Variants in FER observed in about 807,000 individuals in gnomAD.
FER encodes the protein tyrosine-protein kinase Fer.
Under a neutral mutation model 111.0 loss-of-function variants are expected in FER, and 63 were observed. That is an observed-to-expected ratio of 0.57 (90% CI 0.46 to 0.70). The LOEUF (loss-of-function observed/expected upper bound fraction) is 0.70. Among genes scored for constraint, FER ranks in the 30% least tolerant of loss-of-function variants. FER has a pLI of 0.00. For synonymous variants in FER, 327 were observed against 313.9 expected (o/e 1.04, Z -0.44); for missense variants, 914 against 954.0 (o/e 0.96, Z 0.55).
At chr5:108,899,478 T>C (rs574652007) in intron 10 of FER, among the ~76,000 whole-genome samples, 7 of 152,260 alleles carry the variant, frequency 4.6e-5, no homozygotes, top group African/African-American at 1.4e-4. Context: ...AATATTTCCC[T>C]GTTACCATGA....
At chr5:108,824,872 A>G (rs541435118) in intron 3 of FER, among the ~76,000 whole-genome samples, 1 of 152,196 alleles carries the variant, frequency 6.6e-6, no homozygotes, top group South Asian at 2.1e-4. Context: ...AAATAAAAGG[A>G]CAGAGTACAA....
chr5:108,838,443 C>G (rs1241255444), intron 5 of FER, among the ~76,000 whole-genome samples: 3 of 152,090 alleles, frequency 2.0e-5, no homozygotes, highest in African/African-American at 4.8e-5. Context: ...CTTGGGGAAA[C>G]AAGGCCTGGA....
At chr5:108,820,070 A>G (rs1029519063) in intron 3 of FER, 1 of 985,010 alleles carries the variant, frequency 1.0e-6, no homozygotes, top group Non-Finnish European at 1.2e-6. Flanking sequence ...CAGGAATATA[A>G]AAAAAAGAAG....
chr5:108,997,403 C>T (rs763827776), intron 13 of FER, among the ~76,000 whole-genome samples: 9 of 130,968 alleles, frequency 6.9e-5, no homozygotes, highest in Non-Finnish European at 1.1e-4. Context: ...GGTGGTGGAG[C>T]GAGACCCTGT....
rs533720847 is a variant in FER, at chr5:109,039,253, G to A, written c.1713+1775G>A. 5.3e-5 allele frequency among the ~76,000 whole-genome samples: 8 copies of A among 151,670 alleles called. No homozygotes were observed. In the East Asian group the frequency reaches 1.2e-3, roughly 22 times the overall value. On this transcript the variant is annotated intron_variant, in intron 14 of 19. Coordinates refer to ENST00000281092, the MANE Select transcript of FER (RefSeq NM_005246.4). ...TTCAGCACTATATTTTTAGTAGACT[G>A]TACTTGATATACAGTATCAGATGCA...
At chr5:108,999,983 A>C (rs1053662361) in intron 13 of FER, among the ~76,000 whole-genome samples, 1 of 152,038 alleles carries the variant, frequency 6.6e-6, no homozygotes, top group South Asian at 2.1e-4. Context: ...TTAACTCTGC[A>C]TCTCTCTTCT....
chr5:109,160,787 C>T (rs1220956630), intron 17 of FER, among the ~76,000 whole-genome samples: 1 of 152,082 alleles, frequency 6.6e-6, no homozygotes, highest in Non-Finnish European at 1.5e-5. Context: ...CCTTTGGGAC[C>T]AGACCAATTG....
At chr5:109,050,245 C>T (rs1027496092) in intron 16 of FER, among the ~76,000 whole-genome samples, 14 of 151,704 alleles carry the variant, frequency 9.2e-5, no homozygotes, top group African/African-American at 2.7e-4. Context: ...AACTAGTATC[C>T]GTAATAGGAT....
intron 13 of FER, among the ~76,000 whole-genome samples, chr5:108,961,278 A>G (rs1016002738): frequency 5.3e-5 from 8 of 152,212 alleles, no homozygotes; most frequent in South Asian, 2.1e-4. Flanking sequence ...TGCATTGTCT[A>G]CAGGCTTAGC....
intron 9 of FER, among the ~76,000 whole-genome samples, chr5:108,886,315 C>T (rs576963773): frequency 6.6e-6 from 1 of 150,844 alleles, no homozygotes; most frequent in African/African-American, 2.4e-5. Context: ...AAGAGAGGAG[C>T]CTTGAAGGGT....
At chr5:109,146,880 T>A (rs1177203089) in intron 17 of FER, among the ~76,000 whole-genome samples, 1 of 151,964 alleles carries the variant, frequency 6.6e-6, no homozygotes, top group Non-Finnish European at 1.5e-5. Flanking sequence ...AAAGGAGATT[T>A]AAAAAAATAA....
chr5:109,019,290 A>T (rs1767611257), intron 13 of FER, among the ~76,000 whole-genome samples: 2 of 151,942 alleles, frequency 1.3e-5, no homozygotes, highest in African/African-American at 2.4e-5. Flanking sequence ...TAAAATTTTA[A>T]ATTATAGGTT....
At chr5:109,182,855 T>A (rs1377198279) in intron 18 of FER, among the ~76,000 whole-genome samples, 1 of 152,192 alleles carries the variant, frequency 6.6e-6, no homozygotes, top group Non-Finnish European at 1.5e-5. Flanking sequence ...AGATTTTTTT[T>A]AATTGAGACA....
At chr5:109,185,883 T>A (rs1174080357) in intron 18 of FER, among the ~76,000 whole-genome samples, 10 of 152,212 alleles carry the variant, frequency 6.6e-5, no homozygotes, top group Non-Finnish European at 7.3e-5. Context: ...AGAAACCAAG[T>A]ACACATCTAG....
chr5:108,777,975 G>T (rs907616832), intron 2 of FER, among the ~76,000 whole-genome samples: 1 of 152,122 alleles, frequency 6.6e-6, no homozygotes, highest in Non-Finnish European at 1.5e-5. Flanking sequence ...GATTTGGGTG[G>T]GGACACAGAA....
At chr5:108,968,974 T>C (rs1164647172) in intron 13 of FER, among the ~76,000 whole-genome samples, 1 of 152,092 alleles carries the variant, frequency 6.6e-6, no homozygotes, top group East Asian at 1.9e-4. Context: ...AAAATAAAAA[T>C]ATATTTATTC....
intron 2 of FER, among the ~76,000 whole-genome samples, chr5:108,784,667 G>C (rs530642508): frequency 5.9e-5 from 9 of 152,342 alleles, no homozygotes; most frequent in African/African-American, 2.2e-4. Flanking sequence ...CAGCAAGCCA[G>C]TGATAAGCAT....
At chr5:109,021,175 C>T (rs1247858801) in intron 13 of FER, among the ~76,000 whole-genome samples, 7 of 151,964 alleles carry the variant, frequency 4.6e-5, no homozygotes, top group Non-Finnish European at 7.4e-5. Context: ...TTGCTGTACT[C>T]AGTGTTATCC....
At chr5:108,998,820 T>G (rs1240816478) in intron 13 of FER, among the ~76,000 whole-genome samples, 1 of 152,190 alleles carries the variant, frequency 6.6e-6, no homozygotes, top group Non-Finnish European at 1.5e-5. Context: ...TTGATTGTGG[T>G]GGATAAGCTT....
Sources: allele counts gnomAD v4.1 joint callset (sites outside exome capture counted in the v4.1 genomes callset), GRCh38; gene constraint gnomAD v4.1.1; transcripts MANE v1.5; gene names NCBI Gene and HGNC (gene_info 2026-07-23, HGNC 2026-07-21).